Variants in DCC observed in about 807,000 individuals in gnomAD.
The protein encoded by DCC is DCC netrin 1 receptor.
DCC carries 58 observed loss-of-function variants against 172.5 expected under a neutral mutation model. That is an observed-to-expected ratio of 0.34 (90% confidence interval 0.27 to 0.42). The LOEUF (loss-of-function observed/expected upper bound fraction) is 0.42, where lower values mean the gene tolerates loss of function less well. Among genes scored for constraint, DCC ranks in the 10% least tolerant of loss-of-function variants. DCC has a pLI of 1.00. For missense variants in DCC, 1,740 were observed against 1,791.0 expected (o/e 0.97, Z 0.51); for synonymous variants, 709 against 644.5 (o/e 1.10, Z -1.52).
chr18:53,389,847 C>T (rs948550594), intron 16 of DCC, among the ~76,000 whole-genome samples: 3 of 152,148 alleles, frequency 2.0e-5, no homozygotes, highest in Non-Finnish European at 4.4e-5. Context: ...AGAAGAATCA[C>T]CCTATTTCAA....
intron 1 of DCC, among the ~76,000 whole-genome samples, chr18:52,746,741 C>T (rs981975048): frequency 6.6e-6 from 1 of 151,008 alleles, no homozygotes; most frequent in African/African-American, 2.4e-5. Flanking sequence ...CTTGAAATGT[C>T]TTTGGCAATA....
chr18:53,527,213 T>A (rs527743731), intron 28 of DCC, among the ~76,000 whole-genome samples: 5 of 151,682 alleles, frequency 3.3e-5, no homozygotes, highest in East Asian at 3.9e-4. Context: ...TTCCTTTTTT[T>A]TTTTTATTTT....
intron 7 of DCC, among the ~76,000 whole-genome samples, chr18:53,071,296 T>G (rs1568284619): frequency 6.6e-6 from 1 of 152,210 alleles, no homozygotes; most frequent in Non-Finnish European, 1.5e-5. Flanking sequence ...GAATGACTTG[T>G]TTTTCTCTCC....
intron 9 of DCC, among the ~76,000 whole-genome samples, chr18:53,201,338 G>A (rs1249109696): frequency 6.6e-6 from 1 of 152,126 alleles, no homozygotes; most frequent in South Asian, 2.1e-4. Flanking sequence ...AGAGCAAGAA[G>A]GAACACATTC....
At chr18:52,893,985 GACTT>G (rs1282551484) in intron 2 of DCC, among the ~76,000 whole-genome samples, 1 of 152,064 alleles carries the variant, frequency 6.6e-6, no homozygotes, top group Non-Finnish European at 1.5e-5. Context: ...ATTATTTACT[GACTT>G]ACTTGCCATC....
chr18:53,222,139 G>C (rs1348867410), intron 12 of DCC, among the ~76,000 whole-genome samples: 13 of 152,022 alleles, frequency 8.6e-5, no homozygotes, highest in African/African-American at 3.1e-4. Flanking sequence ...AATGAATAAA[G>C]ATCAACCATG....
intron 9 of DCC, among the ~76,000 whole-genome samples, chr18:53,200,717 T>C (rs145392770): frequency 1.1e-4 from 17 of 152,262 alleles, no homozygotes; most frequent in African/African-American, 4.1e-4. Flanking sequence ...GTCATATCTG[T>C]TTCCCAGAAG....
chr18:52,637,628 T>G (rs536326262), intron 1 of DCC, among the ~76,000 whole-genome samples: 51 of 152,018 alleles, frequency 3.4e-4, no homozygotes, highest in African/African-American at 1.1e-3. Context: ...GAAAAAAGAG[T>G]AAGAAAATAT....
chr18:52,925,425 C>T (rs72924265), intron 5 of DCC, 55 bp downstream of exon 5: 39,830 of 1,555,816 alleles, frequency 0.026, 566 homozygotes, highest in Admixed American at 0.036. Context: ...TATATCACCG[C>T]GACATTTTAA....
At chr18:52,675,876 G>T (rs1313291884) in intron 1 of DCC, among the ~76,000 whole-genome samples, 1 of 152,204 alleles carries the variant, frequency 6.6e-6, no homozygotes, top group Non-Finnish European at 1.5e-5. Context: ...ATAAGTAAAA[G>T]AGGACTAGAA....
At chr18:52,621,923 A>G (rs542259063) in intron 1 of DCC, among the ~76,000 whole-genome samples, 2 of 152,314 alleles carry the variant, frequency 1.3e-5, no homozygotes, top group Admixed American at 6.5e-5. Context: ...CAGACTTGCT[A>G]ATTTTTGACT....
intron 1 of DCC, among the ~76,000 whole-genome samples, chr18:52,407,849 C>T (rs954982572): frequency 3.3e-5 from 5 of 152,048 alleles, no homozygotes; most frequent in African/African-American, 1.2e-4. Context: ...CCAAAATACC[C>T]ATGGCCTACA....
At chr18:52,839,131 C>T (rs1203176793) in intron 2 of DCC, among the ~76,000 whole-genome samples, 1 of 152,060 alleles carries the variant, frequency 6.6e-6, no homozygotes, top group African/African-American at 2.4e-5. Context: ...TATTACAAGT[C>T]CTATAAAAAC....
At chr18:52,855,031 T>C (rs542531147) in intron 2 of DCC, among the ~76,000 whole-genome samples, 12 of 152,214 alleles carry the variant, frequency 7.9e-5, no homozygotes, top group African/African-American at 2.4e-4. Context: ...TCAAGAGTTA[T>C]GTTGCATAAA....
At chr18:52,869,563 C>G (rs534476520) in intron 2 of DCC, among the ~76,000 whole-genome samples, 2 of 152,172 alleles carry the variant, frequency 1.3e-5, no homozygotes, top group Admixed American at 6.5e-5. Context: ...CACCGTGGAC[C>G]CACCCCCTTC....
At chr18:52,504,595 G>T (rs2031161596) in intron 1 of DCC, among the ~76,000 whole-genome samples, 2 of 152,124 alleles carry the variant, frequency 1.3e-5, no homozygotes, top group African/African-American at 4.8e-5. Flanking sequence ...GCCAGCTTGG[G>T]GTGACTGTAT....
At chr18:52,357,861 C>A (rs1411930121) in intron 1 of DCC, among the ~76,000 whole-genome samples, 1 of 151,446 alleles carries the variant, frequency 6.6e-6, no homozygotes, top group Non-Finnish European at 1.5e-5. Flanking sequence ...TGGTGTGAAC[C>A]CACGAGGCGG....
chr18:53,230,554 G>A (rs1350419649), intron 12 of DCC, among the ~76,000 whole-genome samples: 3 of 151,792 alleles, frequency 2.0e-5, no homozygotes, highest in Admixed American at 1.3e-4. Flanking sequence ...TGTAACTATT[G>A]TTTAAAAATT....
At chr18:53,138,422 CATAAT>C (rs776201989) in intron 7 of DCC, among the ~76,000 whole-genome samples, 2 of 152,136 alleles carry the variant, frequency 1.3e-5, no homozygotes, top group African/African-American at 2.4e-5. Context: ...AAGTCAAAAA[CATAAT>C]ATAAAATAAC....
Sources: gnomAD v4.1 joint callset for allele counts (sites outside exome capture counted in the v4.1 genomes callset) on GRCh38, gnomAD v4.1.1 for gene constraint, MANE v1.5 for transcripts, NCBI Gene and HGNC (gene_info 2026-07-23, HGNC 2026-07-21) for gene names.